INPP4B: variants seen among roughly 807,000 people sequenced by gnomAD.
INPP4B encodes the protein inositol polyphosphate 4-phosphatase type II.
INPP4B carries 55 observed loss-of-function variants against 122.5 expected under a neutral mutation model. That is an observed-to-expected ratio of 0.45 (90% CI 0.36 to 0.56). The LOEUF is 0.56. Ranked by LOEUF, INPP4B falls within the 20% of genes least tolerant of loss-of-function variation. The pLI is 0.00. For synonymous variants in INPP4B, 403 were observed against 388.7 expected (o/e 1.04, Z -0.43); for missense variants, 1,000 against 1,097.7 (o/e 0.91, Z 1.26).
intron 11 of INPP4B, among the ~76,000 whole-genome samples, chr4:142,243,220 C>T (rs1475307079): frequency 6.6e-6 from 1 of 152,118 alleles, no homozygotes; most frequent in African/African-American, 2.4e-5. Context: ...ACTGTTTTGC[C>T]TATATTGTTT....
intron 7 of INPP4B, among the ~76,000 whole-genome samples, chr4:142,386,812 G>A (rs558086750): frequency 5.3e-5 from 8 of 152,102 alleles, no homozygotes; most frequent in African/African-American, 1.4e-4. Flanking sequence ...AATTTAATTC[G>A]GCTTAAGTTT....
intron 2 of INPP4B, among the ~76,000 whole-genome samples, chr4:142,540,861 A>T: frequency 6.6e-6 from 1 of 152,248 alleles, no homozygotes; most frequent in East Asian, 1.9e-4. Flanking sequence ...AAGATCAATC[A>T]CACCAATAAT....
At chr4:142,535,381 A>G (rs547741070) in intron 2 of INPP4B, among the ~76,000 whole-genome samples, 1 of 152,338 alleles carries the variant, frequency 6.6e-6, no homozygotes, top group South Asian at 2.1e-4. Flanking sequence ...TACTTCCTGT[A>G]CTTTGGGCAA....
intron 7 of INPP4B, among the ~76,000 whole-genome samples, chr4:142,391,431 C>T (rs1797629867): frequency 6.6e-6 from 1 of 151,960 alleles, no homozygotes; most frequent in South Asian, 2.1e-4. Context: ...GTGTGGTGGC[C>T]GGCATGTGTA....
intron 1 of INPP4B, among the ~76,000 whole-genome samples, chr4:142,767,150 C>T (rs1002060245): frequency 6.6e-6 from 1 of 152,092 alleles, no homozygotes; most frequent in Non-Finnish European, 1.5e-5. Flanking sequence ...AAAAATGGAG[C>T]TTTTGAAAGT....
chr4:142,830,126 A>G (rs1781945349), intron 1 of INPP4B, among the ~76,000 whole-genome samples: 1 of 152,160 alleles, frequency 6.6e-6, no homozygotes, highest in African/African-American at 2.4e-5. Context: ...GGTCAAGTCT[A>G]CCCAAACTGA....
At chr4:142,235,453 G>T (rs757474135) in intron 12 of INPP4B, among the ~76,000 whole-genome samples, 1 of 151,850 alleles carries the variant, frequency 6.6e-6, no homozygotes, top group Non-Finnish European at 1.5e-5. Flanking sequence ...ACGGAGTCTC[G>T]CTCTGTCGCC....
chr4:142,086,634 C>A (rs1339444266), intron 23 of INPP4B, among the ~76,000 whole-genome samples: 1 of 152,194 alleles, frequency 6.6e-6, no homozygotes, highest in Non-Finnish European at 1.5e-5. Flanking sequence ...GGATTACAGG[C>A]ATGAGCCACT....
At chr4:142,190,359 C>T (rs113010579) in intron 15 of INPP4B, among the ~76,000 whole-genome samples, 15 of 152,254 alleles carry the variant, frequency 9.9e-5, no homozygotes, top group African/African-American at 3.4e-4. Flanking sequence ...TACTTCTATA[C>T]ATTGCTGTTG....
intron 7 of INPP4B, among the ~76,000 whole-genome samples, chr4:142,385,328 G>A (rs879880589): frequency 4.0e-5 from 6 of 151,234 alleles, no homozygotes; most frequent in African/African-American, 9.7e-5. Context: ...GTATCTCATC[G>A]TGATTTTGAT....
chr4:142,804,015 C>T (rs1237284905), intron 1 of INPP4B, among the ~76,000 whole-genome samples: 1 of 151,398 alleles, frequency 6.6e-6, no homozygotes, highest in African/African-American at 2.4e-5. Context: ...GCCAAGATTG[C>T]TCCACTGCAC....
At chr4:142,583,409 C>T (rs1158807526) in intron 2 of INPP4B, 2 of 152,182 alleles carry the variant, frequency 1.3e-5, no homozygotes, top group African/African-American at 4.8e-5. Flanking sequence ...CTTGCCCGCA[C>T]TGTTGCAGCA....
chr4:142,237,223 G>A (rs1857058053), intron 12 of INPP4B, among the ~76,000 whole-genome samples: 1 of 152,072 alleles, frequency 6.6e-6, no homozygotes, highest in Non-Finnish European at 1.5e-5. Flanking sequence ...AAGTCCAAAG[G>A]AGAGTCAAAT....
chr4:142,483,985 TA>T (rs766390204), intron 2 of INPP4B, among the ~76,000 whole-genome samples: 9 of 150,964 alleles, frequency 6.0e-5, no homozygotes, highest in East Asian at 3.9e-4. Flanking sequence ...AATGCAAAAA[TA>T]AAAAAAAACT....
chr4:142,307,553 T>G (rs985722674), intron 8 of INPP4B, among the ~76,000 whole-genome samples: 2 of 152,212 alleles, frequency 1.3e-5, no homozygotes, highest in African/African-American at 2.4e-5. Context: ...GTGATTCTAT[T>G]ACATATAGGA....
At chr4:142,502,811 C>T (rs549677472) in intron 2 of INPP4B, among the ~76,000 whole-genome samples, 1 of 152,192 alleles carries the variant, frequency 6.6e-6, no homozygotes, top group South Asian at 2.1e-4. Context: ...ACTTTCAAGC[C>T]ATCAGGAAGG....
At chr4:142,284,342 G>T (rs1226539406) in intron 9 of INPP4B, among the ~76,000 whole-genome samples, 1 of 152,156 alleles carries the variant, frequency 6.6e-6, no homozygotes, top group Non-Finnish European at 1.5e-5. Context: ...CTGGAATAAT[G>T]TTCTCAAATA....
Position 142,208,901 on chromosome 4 carries a change from T to G in INPP4B, c.962A>C (p.Glu321Ala). 1 of 1,563,928 alleles carries G rather than the reference T, an allele frequency of 6.4e-7. No homozygotes were observed. The highest frequency in any genetic ancestry group is 8.7e-7 in the Non-Finnish European group (1 of 1,152,246). Reference protein sequence around the residue: ...YQDILTELSKETGSSFKSSSS... With the variant: ...YQDILTELSKATGSSFKSSSS... ...TAGAGAAATTGCTTCCACACCTGTT[T>G]CCTTGCTAAGTTCTGTCAGAATGTC... The change falls in exon 13 of 26, where the codon GAA becomes GCA. Residue 321 changes from glutamate (E) to alanine (A), a missense_variant. Glu to Ala is a moderately radical substitution (Grantham distance 107). Coordinates refer to ENST00000262992, the MANE Select transcript of INPP4B (RefSeq NM_001101669.3).
intron 16 of INPP4B, among the ~76,000 whole-genome samples, chr4:142,167,705 G>A (rs951073032): frequency 6.6e-5 from 10 of 151,780 alleles, no homozygotes; most frequent in South Asian, 4.2e-4. Flanking sequence ...TACAAAGGAC[G>A]TAATACATTG....
Sources: gnomAD v4.1 joint callset for allele counts (sites outside exome capture counted in the v4.1 genomes callset) on GRCh38, gnomAD v4.1.1 for gene constraint, MANE v1.5 for transcripts, NCBI Gene and HGNC (gene_info 2026-07-23, HGNC 2026-07-21) for gene names.